Variants in AFF3 observed in about 807,000 individuals in gnomAD.
AFF3 encodes AF4/FMR2 family member 3.
Under a neutral mutation model 129.7 loss-of-function variants are expected in AFF3, and 32 were observed. The observed-to-expected ratio is 0.25, with a 90% CI of 0.19 to 0.33. The LOEUF is 0.33. Among genes scored for constraint, AFF3 ranks in the 10% least tolerant of loss-of-function variants. The probability of loss-of-function intolerance (pLI) is 1.00; values close to 1 mark genes in which losing one functional copy is unlikely to be tolerated. For missense variants in AFF3, 1,373 were observed against 1,592.0 expected, an observed-to-expected ratio of 0.86 and a Z score of 2.34; for synonymous variants, 644 against 635.4, an observed-to-expected ratio of 1.01 and a Z score of -0.20.
chr2:100,070,579 G>A lies in AFF3; in HGVS notation c.53+33823C>T, dbSNP rs939301081. Among the ~76,000 whole-genome samples the A allele has an allele frequency of 5.9e-5, 9 of 152,074 alleles. 1 individual carries two copies. The highest frequency in any genetic ancestry group is 4.1e-4 in the South Asian group (2 of 4,828). Reference sequence around the variant, plus strand: ...GAAAGTTATAAGTTGAATTCTAATCGTCAGTTATATTTGCACACCGTTTCA... The same window carrying A: ...GAAAGTTATAAGTTGAATTCTAATCATCAGTTATATTTGCACACCGTTTCA... On this transcript the variant is annotated intron_variant, in intron 4 of 24. Transcript: ENST00000672756.
chr2:99,735,985 A>C (rs1258141504), intron 10 of AFF3, among the ~76,000 whole-genome samples: 1 of 152,184 alleles, frequency 6.6e-6, no homozygotes, highest in African/African-American at 2.4e-5. Context: ...ATTTAATCAT[A>C]CTGTGGTTGG....
intron 11 of AFF3, among the ~76,000 whole-genome samples, chr2:99,686,696 T>G (rs191319436): frequency 6.6e-6 from 1 of 152,320 alleles, no homozygotes; most frequent in Admixed American, 6.5e-5. Flanking sequence ...GGTACAGCGG[T>G]AGCCCCCAAA....
chr2:99,948,960 A>G (rs1675896893), intron 7 of AFF3, among the ~76,000 whole-genome samples: 1 of 152,202 alleles, frequency 6.6e-6, no homozygotes, highest in South Asian at 2.1e-4. Context: ...GTAAATACAT[A>G]ACAGAGGGCC....
At chr2:99,800,210 CTT>C (rs1201195293) in intron 8 of AFF3, among the ~76,000 whole-genome samples, 2 of 152,114 alleles carry the variant, frequency 1.3e-5, no homozygotes, top group Admixed American at 1.3e-4. Context: ...ATAAAAAAGA[CTT>C]TTCAAAAATC....
chr2:99,661,282 C>T (rs1178883181), intron 12 of AFF3, among the ~76,000 whole-genome samples: 1 of 152,220 alleles, frequency 6.6e-6, no homozygotes, highest in Non-Finnish European at 1.5e-5. Context: ...GCGTGCCTAT[C>T]AACTAATGAT....
At chr2:99,714,552 C>T (rs1348120833) in intron 11 of AFF3, among the ~76,000 whole-genome samples, 3 of 151,176 alleles carry the variant, frequency 2.0e-5, no homozygotes, top group Admixed American at 2.0e-4. Context: ...GGACGGACAC[C>T]TCATAGACTA....
At chr2:99,677,687 G>A (rs1248901420) in intron 11 of AFF3, among the ~76,000 whole-genome samples, 2 of 152,188 alleles carry the variant, frequency 1.3e-5, no homozygotes, top group Non-Finnish European at 2.9e-5. Context: ...TAAAGAGGGA[G>A]CCAAAGATAA....
chr2:100,021,059 C>T (rs561888622), intron 4 of AFF3, among the ~76,000 whole-genome samples: 18 of 152,270 alleles, frequency 1.2e-4, no homozygotes, highest in African/African-American at 4.3e-4. Flanking sequence ...TCCACCTGCC[C>T]TCTTCCTCCT....
intron 11 of AFF3, among the ~76,000 whole-genome samples, chr2:99,705,676 T>C (rs953525289): frequency 2.6e-5 from 4 of 151,538 alleles, no homozygotes; most frequent in Admixed American, 6.6e-5. Context: ...GAGTTTGAGA[T>C]CAGCCTGGCC....
intron 12 of AFF3, among the ~76,000 whole-genome samples, chr2:99,656,422 T>C (rs1685753825): frequency 6.6e-6 from 1 of 152,220 alleles, no homozygotes; most frequent in Non-Finnish European, 1.5e-5. Context: ...TAGGACATTG[T>C]ATCCATATTC....
intron 7 of AFF3, among the ~76,000 whole-genome samples, chr2:99,919,805 T>C (rs1695731574): frequency 6.6e-6 from 1 of 151,838 alleles, no homozygotes; most frequent in African/African-American, 2.4e-5. Flanking sequence ...CCTAATAAAA[T>C]TGATGACCAT....
intron 7 of AFF3, among the ~76,000 whole-genome samples, chr2:99,967,803 T>G (rs190970706): frequency 6.6e-6 from 1 of 152,226 alleles, no homozygotes; most frequent in Non-Finnish European, 1.5e-5. Flanking sequence ...ACACAGCCAC[T>G]TTCTTTCCAG....
chr2:100,041,784 T>C (rs1685452288), intron 4 of AFF3, among the ~76,000 whole-genome samples: 1 of 152,226 alleles, frequency 6.6e-6, no homozygotes. Flanking sequence ...TCATTTTGCA[T>C]AAAACATTTC....
intron 7 of AFF3, among the ~76,000 whole-genome samples, chr2:99,873,892 G>A (rs949468729): frequency 1.4e-4 from 21 of 152,056 alleles, no homozygotes; most frequent in Middle Eastern, 3.2e-3. Context: ...TTAAGAAGCT[G>A]GGCCGGGCGC....
chr2:99,587,382 C>T, intron 15 of AFF3, 104 bp from the exon 16 acceptor site: 3 of 1,405,344 alleles, frequency 2.1e-6, no homozygotes, highest in Non-Finnish European at 2.9e-6. Flanking sequence ...GAGCCCCACT[C>T]ACCTGGCTTC....
At chr2:99,831,423 A>G (rs548595237) in intron 8 of AFF3, among the ~76,000 whole-genome samples, 5 of 152,342 alleles carry the variant, frequency 3.3e-5, no homozygotes, top group African/African-American at 9.6e-5. Context: ...AATGACATAA[A>G]CCAGGTTAGC....
chr2:99,962,717 T>C (rs1677346564), intron 7 of AFF3, among the ~76,000 whole-genome samples: 3 of 151,616 alleles, frequency 2.0e-5, no homozygotes, highest in South Asian at 4.2e-4. Context: ...ATCTAAACAG[T>C]AGAGAAAAAA....
rs144293899 is a variant in AFF3 at position 99,960,899 on chromosome 2, C to A, written c.873+45733G>T. ...TTGCCAACCCCCATGATGTGCGGCT[C>A]CTTCTGAGCTGCCCTGATGTAGCTG... On this transcript the variant is annotated intron_variant, in intron 7 of 24. Transcript: ENST00000672756. Among the ~76,000 whole-genome samples, 97 of 152,284 alleles carry A rather than the reference C, an allele frequency of 6.4e-4. 1 individual carries two copies. The highest frequency in any genetic ancestry group is 2.7e-3 in the Admixed American group (42 of 15,298).
chr2:99,679,207 G>C (rs552311470), intron 11 of AFF3, among the ~76,000 whole-genome samples: 1 of 152,288 alleles, frequency 6.6e-6, no homozygotes, highest in East Asian at 1.9e-4. Flanking sequence ...TCCATAGCAA[G>C]GTGGTATTTG....
Sources: gnomAD v4.1 joint callset for allele counts (sites outside exome capture counted in the v4.1 genomes callset) on GRCh38, gnomAD v4.1.1 for gene constraint, MANE v1.5 for transcripts, NCBI Gene and HGNC (gene_info 2026-07-23, HGNC 2026-07-21) for gene names.